Variants in RO60 observed in about 807,000 individuals in gnomAD.
The protein encoded by RO60 is Ro60, Y RNA binding protein.
A neutral mutation model predicts 55.3 loss-of-function variants in RO60; 20 were observed. That is an observed-to-expected ratio of 0.36 (90% CI 0.25 to 0.53). RO60 has a LOEUF of 0.53. Among genes scored for constraint, RO60 ranks in the 20% least tolerant of loss-of-function variants. The pLI is 0.92. For missense variants in RO60, 558 were observed against 646.6 expected (o/e 0.86, Z 1.49); for synonymous variants, 213 against 213.6 (o/e 1.00, Z 0.02).
Position 193,090,436 on chromosome 1 carries a change from T to C in RO60, c.*5705T>C, listed in dbSNP as rs943492139. Reference sequence around the variant, plus strand: ...GTTTTTGTTGCACTGTTACTCTGAATATGGACTCTCTATATCTGGTATGGC... The same window carrying C: ...GTTTTTGTTGCACTGTTACTCTGAACATGGACTCTCTATATCTGGTATGGC... On this transcript the variant is annotated 3_prime_UTR_variant, in exon 9 of 9. Transcript: ENST00000400968. 42 of 151,730 alleles carry C rather than the reference T, an allele frequency of 2.8e-4. No homozygotes were observed. The Admixed American group carries it at 2.8e-3, about 10-fold the overall frequency. The allele number at this position is 151,730 out of a possible 1,614,324, so 9.4% of individuals were successfully genotyped here. A position where few individuals can be genotyped will look rare whatever the true frequency, so the allele number is the denominator to read the frequency against.
In RO60 at chr1:193,090,282, A is replaced by G. The variant is rs1674806160; in HGVS notation, c.*5551A>G. Reference sequence around the variant, plus strand: ...CTGCTGTTTTAAATATCATTACCAGATATAATTGAGGGAATATTATATCAA... The same window carrying G: ...CTGCTGTTTTAAATATCATTACCAGGTATAATTGAGGGAATATTATATCAA... On this transcript the variant is annotated 3_prime_UTR_variant, in exon 9 of 9. Transcript: ENST00000400968. The G allele has an allele frequency of 6.6e-6, 1 of 152,136 alleles. No homozygotes were observed. The highest frequency in any genetic ancestry group is 2.4e-5 in the African/African-American group (1 of 41,440). 9.4% of individuals were successfully genotyped at this position (152,136 alleles called of 1,614,324 possible).
intron 2 of RO60, among the ~76,000 whole-genome samples, chr1:193,071,868 A>G (rs527716445): frequency 2.0e-5 from 3 of 149,052 alleles, no homozygotes; most frequent in African/African-American, 4.9e-5. Flanking sequence ...ATATGTATGT[A>G]TATATAATAT....
intron 5 of RO60, among the ~76,000 whole-genome samples, chr1:193,077,775 G>T (rs1234336316): frequency 1.3e-5 from 2 of 152,116 alleles, no homozygotes; most frequent in Non-Finnish European, 2.9e-5. Context: ...CCTCCCAGAA[G>T]GTCCCACCTT....
intron 1 of RO60, among the ~76,000 whole-genome samples, chr1:193,062,958 T>C (rs1352444652): frequency 6.6e-6 from 1 of 152,226 alleles, no homozygotes; most frequent in Non-Finnish European, 1.5e-5. Flanking sequence ...GGGTTGCTTC[T>C]CCTTTTTGAC....
intron 1 of RO60, among the ~76,000 whole-genome samples, chr1:193,066,855 C>T (rs565232768): frequency 6.6e-6 from 1 of 152,124 alleles, no homozygotes; most frequent in Non-Finnish European, 1.5e-5. Context: ...AAAGACAGAT[C>T]GAGATTTCAG....
In RO60 at chr1:193,077,020, A is replaced by G; in HGVS notation, c.1056A>G (p.Ala352=). 5 of 1,612,092 alleles carry G rather than the reference A, an allele frequency of 3.1e-6. No homozygotes were observed. The highest frequency in any genetic ancestry group is 4.2e-6 in the Non-Finnish European group (5 of 1,178,806). ...GCCCTGATGAAGAAATTTTGAAAGC[A>G]TTGGATGCTGCTTTTTATAAAACAT... ...KWRPDEEILK[A]LDAAFYKTFK... is the part of the protein sequence containing the mutation. The change falls in exon 5 of 9, where the codon GCA becomes GCG. Residue 352 remains alanine, a synonymous_variant. Transcript: ENST00000400968.
At chr1:193,075,335 A>G (rs1428841574) in intron 2 of RO60, among the ~76,000 whole-genome samples, 1 of 149,592 alleles carries the variant, frequency 6.7e-6, no homozygotes, top group East Asian at 1.9e-4. Context: ...CTATTAAAAC[A>G]TAGTGTAAAA....
chr1:193,089,568 T>G lies in RO60; in HGVS notation c.*4837T>G, dbSNP rs896634001. The G allele has an allele frequency of 6.6e-6, 1 of 152,118 alleles. No homozygotes were observed. The highest frequency in any genetic ancestry group is 1.5e-5 in the Non-Finnish European group (1 of 68,012). The allele number at this position is 152,118 out of a possible 1,614,324, so 9.4% of individuals were successfully genotyped here. A position where few individuals can be genotyped will look rare whatever the true frequency, so the allele number is the denominator to read the frequency against. The stretch of plus-strand genomic sequence containing the variant: ...ATAAATGGCACAATTCCTTAAACCC[T>G]GAAAATACCAAGTTATATTGGAAAA... On this transcript the variant is annotated 3_prime_UTR_variant, in exon 9 of 9. Coordinates refer to ENST00000400968, the MANE Select transcript of RO60 (RefSeq NM_001173524.2).
intron 1 of RO60, among the ~76,000 whole-genome samples, chr1:193,068,761 A>G: frequency 6.6e-6 from 1 of 152,258 alleles, no homozygotes; most frequent in East Asian, 1.9e-4. Context: ...TTATAAAAAT[A>G]GGAATACAAA....
At position 193,081,396 on chromosome 1, in the gene RO60, A is replaced by G. The variant is rs760961663; in HGVS notation, c.1119A>G (p.Leu373=). 6.2e-7 allele frequency: 1 copy of G among 1,608,464 alleles called. No individual in the cohort carries two copies. ...AACCAACTGGAAAACGTTTCTTACT[A>G]GCTGTTGATGTCAGTGCTTCTATGA... The part of the protein sequence containing the change: ...TVEPTGKRFL[L]AVDVSASMNQ... Residue 373 remains leucine (L), a synonymous_variant, in exon 6 of 9, where the codon CTA becomes CTG. Transcript: ENST00000400968.
At chr1:193,067,155 A>G (rs1673164387) in intron 1 of RO60, among the ~76,000 whole-genome samples, 1 of 148,032 alleles carries the variant, frequency 6.8e-6, no homozygotes, top group African/African-American at 2.5e-5. Flanking sequence ...TTTTCCTGTG[A>G]TGAGGAGAAA....
chr1:193,060,134 G>T (rs893172971), intron 1 of RO60: 1 of 1,191,164 alleles, frequency 8.4e-7, no homozygotes, highest in Non-Finnish European at 1.1e-6. Context: ...GCGGAGAGGC[G>T]TCGCCCGGGA....
rs775356983 is a variant in RO60 at position 193,076,055 on chromosome 1, T to C, written c.801+15T>C. ...AGTCTAAAGAGGTGAGTGAATTATA[T>C]GTTACAGCATGTGATTAAACATGAG... On this transcript the variant is annotated intron_variant, in intron 3 of 8. Transcript: ENST00000400968. 1 of 1,542,278 alleles carries C rather than the reference T, an allele frequency of 6.5e-7. No individual in the cohort carries two copies. Among genetic ancestry groups the C allele is most frequent in the African/African-American group, 1.4e-5 (1 of 72,776 alleles).
chr1:193,064,367 A>G (rs1490267589), intron 1 of RO60, among the ~76,000 whole-genome samples: 2 of 152,210 alleles, frequency 1.3e-5, no homozygotes, highest in Non-Finnish European at 2.9e-5. Context: ...TCATTAATGT[A>G]ACAAAGACAC....
At chr1:193,064,290 T>C (rs1212698805) in intron 1 of RO60, among the ~76,000 whole-genome samples, 1 of 152,236 alleles carries the variant, frequency 6.6e-6, no homozygotes, top group African/African-American at 2.4e-5. Context: ...TTTATTCCTC[T>C]AAACATATAG....
downstream of RO60, chr1:193,091,392 G>T (rs193097349): frequency 3.2e-3 from 1,101 of 339,724 alleles, 7 homozygotes; most frequent in Non-Finnish European, 4.8e-3. Context: ...GGTGCTTAAA[G>T]TTATGTAAAA....
At chr1:193,077,966 C>T (rs776764107) in intron 5 of RO60, among the ~76,000 whole-genome samples, 4 of 152,126 alleles carry the variant, frequency 2.6e-5, no homozygotes, top group Admixed American at 6.5e-5. Flanking sequence ...TAATGGAAAT[C>T]TCACATCAAA....
At chr1:193,063,318 C>T (rs531926844) in intron 1 of RO60, among the ~76,000 whole-genome samples, 7 of 152,214 alleles carry the variant, frequency 4.6e-5, no homozygotes, top group African/African-American at 1.7e-4. Context: ...ATTTGATAAT[C>T]TTCTTTGGAA....
chr1:193,080,188 C>A (rs1674213677), intron 5 of RO60, among the ~76,000 whole-genome samples: 1 of 151,056 alleles, frequency 6.6e-6, no homozygotes. Flanking sequence ...CAGAGAAATG[C>A]AAATCAAGAT....
Sources: gnomAD v4.1 joint callset for allele counts (sites outside exome capture counted in the v4.1 genomes callset) on GRCh38, gnomAD v4.1.1 for gene constraint, MANE v1.5 for transcripts, NCBI Gene and HGNC (gene_info 2026-07-23, HGNC 2026-07-21) for gene names.